The following CFAP44 variants were observed in gnomAD, a reference collection of about 807,000 sequenced individuals.
The protein encoded by CFAP44 is cilia- and flagella-associated protein 44.
In CFAP44, 134 loss-of-function variants were observed where a neutral mutation model predicts 216.2. The observed-to-expected ratio is 0.62, with a 90% CI of 0.54 to 0.72. CFAP44 has a LOEUF of 0.72. CFAP44 is among the 30% of genes least tolerant of loss of function. The pLI is 0.00. For synonymous variants in CFAP44, 700 were observed against 727.6 expected, an observed-to-expected ratio of 0.96 and a Z score of 0.61; for missense variants, 2,035 against 2,182.1, an observed-to-expected ratio of 0.93 and a Z score of 1.34.
chr3:113,306,103 A>C, intron 30 of CFAP44, 98 bp downstream of exon 30: 1 of 1,355,594 alleles, frequency 7.4e-7, no homozygotes, highest in South Asian at 1.6e-5. Flanking sequence ...TTCTTTTCTG[A>C]GAAGTCCTAA....
intron 5 of CFAP44, 76 bp downstream of exon 5, chr3:113,419,941 C>T (rs934903994): frequency 1.1e-5 from 17 of 1,488,558 alleles, no homozygotes; most frequent in Non-Finnish European, 1.6e-5. Flanking sequence ...CATCTAACAA[C>T]CATGTTGGCT....
At chr3:113,433,518 T>C in intron 2 of CFAP44, 47 bp downstream of exon 2, 1 of 1,231,964 alleles carries the variant, frequency 8.1e-7, no homozygotes. Context: ...TTTAAATGTT[T>C]ACCTAAGTTT....
intron 28 of CFAP44, among the ~76,000 whole-genome samples, chr3:113,318,446 T>C (rs1950109471): frequency 6.6e-6 from 1 of 152,156 alleles, no homozygotes; most frequent in Non-Finnish European, 1.5e-5. Context: ...AGAACAAATC[T>C]ATGACTCATT....
At chr3:113,336,908 G>A (rs1029438658) in intron 24 of CFAP44, among the ~76,000 whole-genome samples, 2 of 151,598 alleles carry the variant, frequency 1.3e-5, no homozygotes, top group Non-Finnish European at 2.9e-5. Flanking sequence ...CCTAAGATAA[G>A]GAACAAAGTG....
At chr3:113,294,383 G>A in intron 34 of CFAP44, 1 of 340,410 alleles carries the variant, frequency 2.9e-6, no homozygotes, top group Admixed American at 4.5e-5. Context: ...CCAAACCCAG[G>A]GCGTATAATG....
intron 8 of CFAP44, 105 bp from the exon 9 acceptor site, chr3:113,404,121 A>G: frequency 7.7e-7 from 1 of 1,292,110 alleles, no homozygotes; most frequent in East Asian, 2.8e-5. Flanking sequence ...ATCTTTATTG[A>G]TTATAAAATT....
intron 21 of CFAP44, 158 bp downstream of exon 21, chr3:113,362,987 A>G: frequency 7.3e-7 from 1 of 1,376,464 alleles, no homozygotes; most frequent in African/African-American, 1.5e-5. Flanking sequence ...CCCCACATAC[A>G]AATTAAAAGA....
Position 113,427,199 on chromosome 3 carries a change from G to A in CFAP44, c.241C>T (p.Gln81Ter). The change falls in exon 3 of 35, where the codon CAA becomes TAA. Residue 81 changes from glutamine to a stop codon, truncating the protein, a stop_gained. Coordinates refer to ENST00000393845, the MANE Select transcript of CFAP44 (RefSeq NM_001164496.2). LOFTEE classifies it high-confidence loss of function. ...SLSSFQYGDL[Q>*]STTVPQQTPA... Reference sequence around the variant, plus strand: ...TAATAATACCTACCTGTAGTGCTTTGCAAATCACCATACTGAAATGAACTC... The same window carrying A: ...TAATAATACCTACCTGTAGTGCTTTACAAATCACCATACTGAAATGAACTC... The A allele has an allele frequency of 3.7e-6, 6 of 1,612,626 alleles. No individual in the cohort carries two copies. Among genetic ancestry groups the A allele is most frequent in the Non-Finnish European group, 5.1e-6 (6 of 1,179,612 alleles).
At chr3:113,407,438 G>A (rs1934318511) in intron 7 of CFAP44, among the ~76,000 whole-genome samples, 1 of 152,172 alleles carries the variant, frequency 6.6e-6, no homozygotes, top group Admixed American at 6.5e-5. Context: ...GGCAGCTATT[G>A]TATTAGACAG....
At chr3:113,384,420 C>A (rs533613780) in intron 15 of CFAP44, among the ~76,000 whole-genome samples, 5 of 152,066 alleles carry the variant, frequency 3.3e-5, no homozygotes, top group Non-Finnish European at 7.4e-5. Context: ...TGTGTCCCTT[C>A]AGAAAAAAAT....
intron 2 of CFAP44, among the ~76,000 whole-genome samples, chr3:113,432,943 A>C (rs995291351): frequency 1.3e-5 from 2 of 152,210 alleles, no homozygotes; most frequent in Non-Finnish European, 2.9e-5. Context: ...CTTGGAGGTG[A>C]AAATTCTCCT....
Position 113,287,011 on chromosome 3 carries a change from T to A in CFAP44, c.*4546A>T. ...CTTGTAAATAAATGTATATGTTTTA[T>A]AATTCTGGAGAGACATAAGGAGTCC... On this transcript the variant is annotated 3_prime_UTR_variant, in exon 35 of 35. Coordinates refer to ENST00000393845, the MANE Select transcript of CFAP44 (RefSeq NM_001164496.2). The A allele has an allele frequency of 3.2e-6, 3 of 932,182 alleles. No homozygotes were observed. The highest frequency in any genetic ancestry group is 4.9e-6 in the Non-Finnish European group (3 of 609,368). The allele number at this position is 932,182 out of a possible 1,614,324, so 57.7% of individuals were successfully genotyped here. A position where few individuals can be genotyped will look rare whatever the true frequency, so the allele number is the denominator to read the frequency against.
At chr3:113,340,961 C>T (rs957681610) in intron 24 of CFAP44, among the ~76,000 whole-genome samples, 1 of 152,212 alleles carries the variant, frequency 6.6e-6, no homozygotes, top group Non-Finnish European at 1.5e-5. Flanking sequence ...CAGCCCCAGC[C>T]CGACTGTCCC....
intron 28 of CFAP44, among the ~76,000 whole-genome samples, chr3:113,316,476 A>C (rs2107800743): frequency 6.6e-6 from 1 of 152,302 alleles, no homozygotes; most frequent in South Asian, 2.1e-4. Flanking sequence ...AAAAACAATA[A>C]AGAAAATCCC....
rs1045167779 is a variant in CFAP44 at position 113,310,300 on chromosome 3, T to G, written c.4517-2032A>C. Among the ~76,000 whole-genome samples the G allele has an allele frequency of 2.0e-5, 3 of 152,164 alleles. No homozygotes were observed. The East Asian group carries it at 5.8e-4, about 29-fold the overall frequency. On this transcript the variant is annotated intron_variant, in intron 28 of 34. Transcript: ENST00000393845. ...AGAACATTAATAGAGAATCAGGACT[T>G]TCATCATTATCCATAAGTACTTGCC... is the stretch of plus-strand genomic sequence containing the variant.
intron 1 of CFAP44, among the ~76,000 whole-genome samples, chr3:113,439,464 T>C (rs1935308992): frequency 6.6e-6 from 1 of 152,230 alleles, no homozygotes; most frequent in Non-Finnish European, 1.5e-5. Context: ...TTATTGTTGA[T>C]CTTTGTAGCC....
At chr3:113,408,466 A>G (rs1934350317) in intron 7 of CFAP44, among the ~76,000 whole-genome samples, 1 of 152,238 alleles carries the variant, frequency 6.6e-6, no homozygotes, top group Non-Finnish European at 1.5e-5. Flanking sequence ...TGGATGTGAA[A>G]GCTCAGTATG....
chr3:113,373,386 T>TA (rs1933235197), intron 18 of CFAP44, 25 bp downstream of exon 18: 2 of 1,515,520 alleles, frequency 1.3e-6, no homozygotes, highest in Non-Finnish European at 8.9e-7. Flanking sequence ...ATGGTTTTTT[T>TA]AAAGCTTTTT....
rs548793361 is a variant in CFAP44 at position 113,418,350 on chromosome 3, G to A, written c.570+1667C>T. Among the ~76,000 whole-genome samples, 4 of 152,240 alleles carry A rather than the reference G, an allele frequency of 2.6e-5. No homozygotes were observed. The South Asian group carries it at 8.3e-4, about 32-fold the overall frequency. ...GATCCACCCACCTCAGCCTCCCAAA[G>A]TGCCATGATTACAGGCAGGAGCCAC... On this transcript the variant is annotated intron_variant, in intron 5 of 34. Transcript: ENST00000393845.
Sources: allele counts gnomAD v4.1 joint callset (sites outside exome capture counted in the v4.1 genomes callset), GRCh38; gene constraint gnomAD v4.1.1; transcripts MANE v1.5; gene names NCBI Gene and HGNC (gene_info 2026-07-23, HGNC 2026-07-21).